Variants in TENM2 observed in about 807,000 individuals in gnomAD.
TENM2 encodes teneurin-2.
Under a neutral mutation model 245.2 loss-of-function variants are expected in TENM2, and 52 were observed. The ratio of observed to expected loss-of-function variants is 0.21; its 90% CI spans 0.17 to 0.27. The LOEUF is 0.27. Among genes scored for constraint, TENM2 ranks in the 10% least tolerant of loss-of-function variants. The pLI, the probability that TENM2 is intolerant of heterozygous loss-of-function variation, is 1.00. For missense variants in TENM2, 3,046 were observed against 3,666.8 expected, an observed-to-expected ratio of 0.83 and a Z score of 4.37; for synonymous variants, 1,363 against 1,438.9, an observed-to-expected ratio of 0.95 and a Z score of 1.19.
At chr5:167,456,906 T>C (rs1164092778) in intron 2 of TENM2, among the ~76,000 whole-genome samples, 3 of 152,198 alleles carry the variant, frequency 2.0e-5, no homozygotes, top group African/African-American at 7.2e-5. Context: ...CGAAAAGCGC[T>C]GTGGTTGATT....
At chr5:167,421,101 G>T (rs1355192161) in intron 2 of TENM2, among the ~76,000 whole-genome samples, 1 of 152,136 alleles carries the variant, frequency 6.6e-6, no homozygotes, top group Non-Finnish European at 1.5e-5. Context: ...TGAGGTCGTG[G>T]TTAAACAGTA....
chr5:167,084,475 C>T, the TENM2 span, among the ~76,000 whole-genome samples: 1 of 150,282 alleles, frequency 6.7e-6, no homozygotes, highest in Non-Finnish European at 1.5e-5. Flanking sequence ...ATAATACATT[C>T]TGGAACTTAA....
At chr5:168,042,445 G>A (rs1251635844) in intron 5 of TENM2, among the ~76,000 whole-genome samples, 1 of 152,066 alleles carries the variant, frequency 6.6e-6, no homozygotes, top group African/African-American at 2.4e-5. Context: ...CTCTTGTCAG[G>A]TTGATCCTCT....
At chr5:168,254,005 T>C (rs11740804) in intron 27 of TENM2, among the ~76,000 whole-genome samples, 68,009 of 152,200 alleles carry the variant, frequency 0.45, 17,050 homozygotes, top group South Asian at 0.59. Context: ...AGGCACACTT[T>C]AGCTTAAAGT....
the TENM2 span, among the ~76,000 whole-genome samples, chr5:167,067,920 CTG>C: frequency 6.6e-6 from 1 of 152,186 alleles, no homozygotes; most frequent in African/African-American, 2.4e-5. Context: ...ACTTGCTCCA[CTG>C]TATAAATTTG....
intron 1 of TENM2, among the ~76,000 whole-genome samples, chr5:167,365,417 A>G (rs1297680088): frequency 1.3e-5 from 2 of 151,870 alleles, no homozygotes; most frequent in Non-Finnish European, 2.9e-5. Context: ...AGAAATAAAT[A>G]AGATAAGTGC....
At chr5:167,059,798 G>T in the TENM2 span, among the ~76,000 whole-genome samples, 1 of 150,446 alleles carries the variant, frequency 6.6e-6, no homozygotes, top group Admixed American at 6.6e-5. Context: ...CCGCCTCCCA[G>T]GTTCAAGCGA....
chr5:167,386,151 A>G (rs188828920), intron 2 of TENM2, among the ~76,000 whole-genome samples: 1 of 152,228 alleles, frequency 6.6e-6, no homozygotes, highest in East Asian at 1.9e-4. Context: ...TCAGCAGTGT[A>G]GAAGTGTTCC....
chr5:167,318,162 A>G (rs1356858228), intron 1 of TENM2, among the ~76,000 whole-genome samples: 1 of 152,186 alleles, frequency 6.6e-6, no homozygotes, highest in Non-Finnish European at 1.5e-5. Context: ...AAATGGCTTC[A>G]GTTCACTCCT....
intron 2 of TENM2, among the ~76,000 whole-genome samples, chr5:167,508,430 G>A (rs766441009): frequency 4.6e-5 from 7 of 152,172 alleles, no homozygotes; most frequent in Middle Eastern, 3.2e-3. Flanking sequence ...TTATAGTTTA[G>A]TTATGAGTGT....
At chr5:167,413,494 G>A (rs1031427137) in intron 2 of TENM2, among the ~76,000 whole-genome samples, 1 of 152,040 alleles carries the variant, frequency 6.6e-6, no homozygotes, top group African/African-American at 2.4e-5. Context: ...CCATGCTTAC[G>A]AGGCTGGTTG....
intron 3 of TENM2, chr5:167,934,761 A>C: frequency 1.6e-6 from 1 of 631,330 alleles, no homozygotes; most frequent in Non-Finnish European, 2.0e-6. Context: ...TCCCACAAGG[A>C]AACTCGGCTC....
intron 3 of TENM2, among the ~76,000 whole-genome samples, chr5:167,907,186 C>G (rs974414569): frequency 7.2e-5 from 11 of 151,824 alleles, no homozygotes; most frequent in Admixed American, 5.9e-4. Flanking sequence ...GAGCCAAGAT[C>G]GCACCGTTGC....
intron 5 of TENM2, among the ~76,000 whole-genome samples, chr5:168,039,918 G>A (rs1164750203): frequency 1.3e-5 from 2 of 151,920 alleles, no homozygotes; most frequent in Non-Finnish European, 2.9e-5. Context: ...GCTGCCAGTC[G>A]GGGAGCCCCA....
At chr5:167,892,922 G>A (rs1774875364) in intron 3 of TENM2, among the ~76,000 whole-genome samples, 1 of 152,130 alleles carries the variant, frequency 6.6e-6, no homozygotes, top group African/African-American at 2.4e-5. Flanking sequence ...TATCATGATT[G>A]TTTATTAATA....
At chr5:167,497,718 C>A (rs1052827095) in intron 2 of TENM2, among the ~76,000 whole-genome samples, 5 of 151,870 alleles carry the variant, frequency 3.3e-5, no homozygotes, top group East Asian at 1.9e-4. Context: ...CTTGTTTCAC[C>A]CCAGAAGGAA....
Position 168,181,482 on chromosome 5 carries a change from C to A in TENM2, c.2570-8855C>A, listed in dbSNP as rs868445844. 2.6e-5 allele frequency among the ~76,000 whole-genome samples: 4 copies of A among 152,236 alleles called. No homozygotes were observed. The South Asian group carries it at 6.2e-4, about 24-fold the overall frequency. ...CAAACAGCTTTCACTGGGGCCTCCT[C>A]TCTGCCAGATCTCTGGTCAGACATG... On this transcript the variant is annotated intron_variant, in intron 13 of 28. Coordinates refer to ENST00000518659, the Ensembl canonical transcript of TENM2.
intron 1 of TENM2, among the ~76,000 whole-genome samples, chr5:167,374,854 T>G (rs13177293): frequency 0.29 from 43,923 of 151,948 alleles, 6,989 homozygotes; most frequent in African/African-American, 0.43. Context: ...CAAAGTAAAA[T>G]GTGCACAAGT....
chr5:167,438,480 C>T (rs1263876963), intron 2 of TENM2, among the ~76,000 whole-genome samples: 1 of 152,154 alleles, frequency 6.6e-6, no homozygotes, highest in African/African-American at 2.4e-5. Flanking sequence ...CAAGCTCTGC[C>T]TCCTGAGTTC....
Sources: gnomAD v4.1 joint callset for allele counts (sites outside exome capture counted in the v4.1 genomes callset) on GRCh38, gnomAD v4.1.1 for gene constraint, MANE v1.5 for transcripts, NCBI Gene and HGNC (gene_info 2026-07-23, HGNC 2026-07-21) for gene names.